CACNB2: variants seen among roughly 807,000 people sequenced by gnomAD.
CACNB2 encodes the protein voltage-dependent L-type calcium channel subunit beta-2.
CACNB2 carries 42 observed loss-of-function variants against 73.3 expected under a neutral mutation model. The observed-to-expected ratio is 0.57, with a 90% CI of 0.45 to 0.74. CACNB2 has a LOEUF of 0.74. Ranked by LOEUF, CACNB2 falls within the 30% of genes least tolerant of loss-of-function variation. The pLI is 0.00. For missense variants in CACNB2, 940 were observed against 853.0 expected, an observed-to-expected ratio of 1.10 and a Z score of -1.27; for synonymous variants, 348 against 310.3, an observed-to-expected ratio of 1.12 and a Z score of -1.28.
intron 1 of CACNB2, among the ~76,000 whole-genome samples, chr10:18,146,509 G>C (rs905551358): frequency 1.3e-5 from 2 of 150,542 alleles, no homozygotes; most frequent in Non-Finnish European, 3.0e-5. Flanking sequence ...ACAGAATCTC[G>C]CTCTGTCACT....
Position 18,463,595 on chromosome 10 carries a change from G to GT in CACNB2, c.334-34758dup, listed in dbSNP as rs1351707164. Among the ~76,000 whole-genome samples the GT allele has an allele frequency of 3.7e-3, 216 of 57,986 alleles. 1 individual carries two copies. The highest frequency in any genetic ancestry group is 6.6e-3 in the African/African-American group (207 of 31,566). 38.0% of individuals were successfully genotyped at this position (57,986 alleles called of 152,430 possible). A position where few individuals can be genotyped will look rare whatever the true frequency, so the allele number is the denominator to read the frequency against. On this transcript the variant is annotated intron_variant, in intron 3 of 13. Transcript: ENST00000324631. ...ATGCCCTGCTAGTTGTTTTTTTTTT[G>GT]TTGTTTTTTGTTTTTTTTTTGTAGA...
chr10:18,492,325 A>G (rs2049485806), intron 3 of CACNB2, among the ~76,000 whole-genome samples: 1 of 152,190 alleles, frequency 6.6e-6, no homozygotes, highest in Non-Finnish European at 1.5e-5. Flanking sequence ...AACAAAGTGA[A>G]TATGGGAAAA....
intron 2 of CACNB2, among the ~76,000 whole-genome samples, chr10:18,203,914 C>G (rs925595504): frequency 3.3e-5 from 5 of 152,060 alleles, no homozygotes; most frequent in Non-Finnish European, 7.4e-5. Flanking sequence ...TGTGATTGTT[C>G]ATTTGTGCAT....
At position 18,157,265 on chromosome 10, in the gene CACNB2, G is replaced by A. The variant is rs959713333; in HGVS notation, c.213+6290G>A. Among the ~76,000 whole-genome samples, 10 of 152,238 alleles carry A rather than the reference G, an allele frequency of 6.6e-5. No individual in the cohort carries two copies. The East Asian group carries it at 1.7e-3, about 26-fold the overall frequency. On this transcript the variant is annotated intron_variant, in intron 2 of 13. Transcript: ENST00000324631. ...TTTCTTCAAGAAGCTGGTTAGTGGC[G>A]AACGCCTGGACTTGGAAGCCAGGCT...
Position 18,540,492 on chromosome 10 carries a change from A to ATACTGTAAATATGTGTG in CACNB2, c.*769_*785dup, listed in dbSNP as rs1212166057. The ATACTGTAAATATGTGTG allele has an allele frequency of 6.6e-6, 1 of 152,606 alleles. No homozygotes were observed. Among genetic ancestry groups the ATACTGTAAATATGTGTG allele is most frequent in the East Asian group, 1.9e-4 (1 of 5,198 alleles). The allele number at this position is 152,606 out of a possible 1,614,324, so 9.5% of individuals were successfully genotyped here. On this transcript the variant is annotated 3_prime_UTR_variant, in exon 14 of 14. Transcript: ENST00000324631. ...CCTCATTCTAGTAGAAAGTGTGTAC[A>ATACTGTAAATATGTGTG]TACTGTAAATATGTGTGATTGCTTG...
rs531957410 is a variant in CACNB2, at chr10:18,327,870, G to T, written c.214-74054G>T. ...TCTGGAGCTAGGACTGAGGGTTGGGGGGTGTCCTGGCAGGGCTAGTTCAAG... is the reference window on the plus strand; with the variant it reads ...TCTGGAGCTAGGACTGAGGGTTGGGTGGTGTCCTGGCAGGGCTAGTTCAAG... On this transcript the variant is annotated intron_variant, in intron 2 of 13. Coordinates refer to ENST00000324631, the MANE Select transcript of CACNB2 (RefSeq NM_201596.3). Among the ~76,000 whole-genome samples, 631 of 152,292 alleles carry T rather than the reference G, an allele frequency of 4.1e-3. 5 individuals carry two copies. The highest frequency in any genetic ancestry group is 6.7e-3 in the Non-Finnish European group (455 of 68,026).
chr10:18,177,767 G>T (rs185722532), intron 2 of CACNB2, among the ~76,000 whole-genome samples: 1 of 152,274 alleles, frequency 6.6e-6, no homozygotes, highest in Non-Finnish European at 1.5e-5. Context: ...TTCTTCTCTT[G>T]CTTGGTTAAT....
At chr10:18,283,229 A>C (rs2038631152) in intron 2 of CACNB2, among the ~76,000 whole-genome samples, 1 of 152,222 alleles carries the variant, frequency 6.6e-6, no homozygotes, top group African/African-American at 2.4e-5. Flanking sequence ...ATGGGAGTGT[A>C]AACTAGTTCA....
intron 2 of CACNB2, among the ~76,000 whole-genome samples, chr10:18,327,627 G>A (rs777411377): frequency 6.6e-5 from 10 of 151,960 alleles, no homozygotes; most frequent in East Asian, 1.9e-4. Flanking sequence ...GTTTCTCCAC[G>A]AAACCAGGCT....
intron 3 of CACNB2, among the ~76,000 whole-genome samples, chr10:18,493,045 GATAGACTTAAAAAGCA>G (rs1758912104): frequency 6.6e-6 from 1 of 152,150 alleles, no homozygotes; most frequent in South Asian, 2.1e-4. Flanking sequence ...CAATAAGAAT[GATAGACTTAAAAAGCA>G]ATAGAATTGA....
At chr10:18,183,336 AT>A (rs35228203) in intron 2 of CACNB2, among the ~76,000 whole-genome samples, 276 of 151,484 alleles carry the variant, frequency 1.8e-3, no homozygotes, top group Admixed American at 5.0e-3. Context: ...CTTTTTTATT[AT>A]TTTTTTTCAT....
At chr10:18,454,047 T>A (rs75212981) in intron 3 of CACNB2, among the ~76,000 whole-genome samples, 3 of 152,154 alleles carry the variant, frequency 2.0e-5, no homozygotes, top group East Asian at 3.9e-4. Flanking sequence ...TTTCCCACAA[T>A]AGGTATTGTA....
intron 2 of CACNB2, among the ~76,000 whole-genome samples, chr10:18,282,259 G>T (rs1241656771): frequency 6.6e-6 from 1 of 152,168 alleles, no homozygotes; most frequent in Non-Finnish European, 1.5e-5. Context: ...GAGTCCCATG[G>T]CTTAGGTTTG....
chr10:18,376,330 A>C (rs2042797303), intron 2 of CACNB2, among the ~76,000 whole-genome samples: 1 of 152,264 alleles, frequency 6.6e-6, no homozygotes, highest in East Asian at 1.9e-4. Context: ...AGAGAGTAGA[A>C]GCATGTACCA....
At chr10:18,177,932 C>G (rs1276756354) in intron 2 of CACNB2, among the ~76,000 whole-genome samples, 1 of 152,176 alleles carries the variant, frequency 6.6e-6, no homozygotes, top group African/African-American at 2.4e-5. Context: ...ATTTTCCTTT[C>G]ACAGTATATA....
Position 18,176,719 on chromosome 10 carries a change from C to T in CACNB2, c.213+25744C>T, listed in dbSNP as rs759277461. On this transcript the variant is annotated intron_variant, in intron 2 of 13. Coordinates refer to ENST00000324631, the MANE Select transcript of CACNB2 (RefSeq NM_201596.3). ...CAGGGTGCAAGTCAAATGGTCTCCA[C>T]GTACCAGCTTCCATGTGAGGACCAC... Among the ~76,000 whole-genome samples, 9 of 151,282 alleles carry T rather than the reference C, an allele frequency of 5.9e-5. No homozygotes were observed. The East Asian group carries it at 7.8e-4, about 13-fold the overall frequency.
chr10:18,360,768 T>A (rs1044653222), intron 2 of CACNB2, among the ~76,000 whole-genome samples: 4 of 152,162 alleles, frequency 2.6e-5, no homozygotes, highest in Non-Finnish European at 5.9e-5. Context: ...CCCCTGCATC[T>A]GGGGTGTCAG....
intron 3 of CACNB2, among the ~76,000 whole-genome samples, chr10:18,421,036 AT>A (rs1480468165): frequency 1.3e-5 from 2 of 152,114 alleles, no homozygotes; most frequent in Admixed American, 6.5e-5. Context: ...AAGGAAATGT[AT>A]TTTTTAGGAG....
chr10:18,534,702 T>TG (rs2053391922), intron 11 of CACNB2, among the ~76,000 whole-genome samples: 1 of 152,210 alleles, frequency 6.6e-6, no homozygotes, highest in African/African-American at 2.4e-5. Flanking sequence ...TTTATTACTT[T>TG]TATTAAATCT....
Sources: allele counts gnomAD v4.1 joint callset (sites outside exome capture counted in the v4.1 genomes callset), GRCh38; gene constraint gnomAD v4.1.1; transcripts MANE v1.5; gene names NCBI Gene and HGNC (gene_info 2026-07-23, HGNC 2026-07-21).